The following KDM2B variants were observed in gnomAD, a reference collection of about 807,000 sequenced individuals.
KDM2B encodes lysine-specific demethylase 2B.
KDM2B carries 26 observed loss-of-function variants against 150.0 expected under a neutral mutation model. The ratio of observed to expected loss-of-function variants is 0.17; its 90% CI spans 0.13 to 0.24. The LOEUF is 0.24. Ranked by LOEUF, KDM2B falls within the 10% of genes least tolerant of loss-of-function variation. The pLI is 1.00. For missense variants in KDM2B, 1,265 were observed against 1,816.9 expected (o/e 0.70, Z 5.52); for synonymous variants, 734 against 729.5 (o/e 1.01, Z -0.10).
At chr12:121,541,948 A>G (rs1403205593) in intron 6 of KDM2B, among the ~76,000 whole-genome samples, 28 of 152,216 alleles carry the variant, frequency 1.8e-4, no homozygotes, top group Admixed American at 1.8e-3. Flanking sequence ...GCAACTGTGG[A>G]GGCTTTGAAA....
chr12:121,434,397 G>A (rs936256022), intron 22 of KDM2B, among the ~76,000 whole-genome samples: 23 of 151,614 alleles, frequency 1.5e-4, no homozygotes, highest in Middle Eastern at 3.4e-3. Flanking sequence ...ACAGGAGGCT[G>A]AGGCAGGAGA....
At chr12:121,504,475 C>T (rs1255245530) in intron 11 of KDM2B, among the ~76,000 whole-genome samples, 1 of 151,964 alleles carries the variant, frequency 6.6e-6, no homozygotes, top group Non-Finnish European at 1.5e-5. Context: ...GTTGAGGCTG[C>T]AGTGAGCTAT....
chr12:121,546,564 T>C (rs1438978003), intron 6 of KDM2B, among the ~76,000 whole-genome samples: 1 of 149,658 alleles, frequency 6.7e-6, no homozygotes, highest in Non-Finnish European at 1.5e-5. Context: ...TTTTTGGTTT[T>C]TTTTTTTTGT....
rs1555308062 is a variant in KDM2B at position 121,532,787 on chromosome 12, A to G, written c.931+19T>C. 5 of 1,612,758 alleles carry G rather than the reference A, an allele frequency of 3.1e-6. No homozygotes were observed. Among genetic ancestry groups the G allele is most frequent in the East Asian group, 2.2e-5 (1 of 44,874 alleles). On this transcript the variant is annotated intron_variant, in intron 8 of 22. Transcript: ENST00000377071. ...CGCAGGAGACTCGAGGAGCCCAGAGAGTGCCCCTGGAAACCTACCGGAAGG... is the reference window on the plus strand; with the variant it reads ...CGCAGGAGACTCGAGGAGCCCAGAGGGTGCCCCTGGAAACCTACCGGAAGG...
intron 1 of KDM2B, chr12:121,580,321 C>T: frequency 8.6e-7 from 1 of 1,165,834 alleles, no homozygotes; most frequent in Non-Finnish European, 1.0e-6. Flanking sequence ...GCTCGGAGCC[C>T]GCGGCCGGGC....
At chr12:121,475,321 G>C (rs1881246106) in intron 12 of KDM2B, among the ~76,000 whole-genome samples, 1 of 151,872 alleles carries the variant, frequency 6.6e-6, no homozygotes, top group South Asian at 2.1e-4. Context: ...AGGTGTGGAA[G>C]CTCATACCCG....
chr12:121,497,672 A>T (rs1884120304), intron 11 of KDM2B, among the ~76,000 whole-genome samples: 1 of 152,156 alleles, frequency 6.6e-6, no homozygotes, highest in Non-Finnish European at 1.5e-5. Context: ...GCCTGAACAG[A>T]TCTCCTCAAA....
intron 14 of KDM2B, 86 bp from the exon 15 acceptor site, chr12:121,444,622 A>G: frequency 9.2e-7 from 1 of 1,084,352 alleles, no homozygotes; most frequent in Non-Finnish European, 1.4e-6. Context: ...CGTCTTCCAG[A>G]AGCAGCAGCA....
chr12:121,577,900 C>A (rs1349813245), intron 2 of KDM2B, among the ~76,000 whole-genome samples: 2 of 152,092 alleles, frequency 1.3e-5, no homozygotes, highest in Non-Finnish European at 2.9e-5. Flanking sequence ...CAGGGCGTCA[C>A]CTTAACATCT....
At chr12:121,448,038 G>C (rs1555290731) in intron 13 of KDM2B, among the ~76,000 whole-genome samples, 1 of 151,970 alleles carries the variant, frequency 6.6e-6, no homozygotes, top group Non-Finnish European at 1.5e-5. Context: ...AAATTTCTTG[G>C]CCAGGAGTGA....
At chr12:121,530,717 A>T (rs961331549) in intron 8 of KDM2B, among the ~76,000 whole-genome samples, 1 of 152,134 alleles carries the variant, frequency 6.6e-6, no homozygotes, top group Non-Finnish European at 1.5e-5. Flanking sequence ...TCCTGCCTTC[A>T]ATAGACAGCC....
At chr12:121,579,532 G>T (rs367955375) in intron 1 of KDM2B, 7 of 1,235,402 alleles carry the variant, frequency 5.7e-6, no homozygotes, top group East Asian at 1.1e-4. Context: ...AGAGGAGGTG[G>T]GGGGAGGAGA....
chr12:121,466,202 T>C (rs1593846217), intron 12 of KDM2B, among the ~76,000 whole-genome samples: 5 of 152,202 alleles, frequency 3.3e-5, no homozygotes, highest in Admixed American at 3.3e-4. Context: ...ACCAGGATTA[T>C]AAATAAGCGT....
chr12:121,494,751 G>A (rs1040518832), intron 11 of KDM2B, 86 bp from the exon 12 acceptor site: 4 of 996,444 alleles, frequency 4.0e-6, no homozygotes, highest in Non-Finnish European at 4.4e-6. Context: ...GTCCAGCAAG[G>A]ATCACACTCC....
intron 4 of KDM2B, among the ~76,000 whole-genome samples, chr12:121,572,398 T>C (rs782023213): frequency 1.1e-4 from 16 of 152,266 alleles, no homozygotes; most frequent in Non-Finnish European, 1.6e-4. Flanking sequence ...CTTCTGCCAC[T>C]TTCTCACTCA....
intron 4 of KDM2B, among the ~76,000 whole-genome samples, chr12:121,568,866 TAAAAA>T (rs56132369): frequency 6.4e-5 from 9 of 139,918 alleles, no homozygotes; most frequent in Non-Finnish European, 6.1e-5. Flanking sequence ...GCTTTTTTGT[TAAAAA>T]AAAAAAAAAA....
chr12:121,513,461 G>C lies in KDM2B; in HGVS notation c.1048-59C>G. On this transcript the variant is annotated intron_variant, in intron 9 of 22. Coordinates refer to ENST00000377071, the MANE Select transcript of KDM2B (RefSeq NM_032590.5). The surrounding 1 kb of genome is among the most constrained non-coding windows in gnomAD (Gnocchi z 5.0). Reference sequence around the variant, plus strand: ...TTTCCAGAGGGCGAAGGGGGAAGGAGGGAGAGAAGTGCGGGGCAGGCTCCC... The same window carrying C: ...TTTCCAGAGGGCGAAGGGGGAAGGACGGAGAGAAGTGCGGGGCAGGCTCCC... 1.3e-6 allele frequency: 2 copies of C among 1,588,414 alleles called. No individual in the cohort carries two copies. The highest frequency in any genetic ancestry group is 1.1e-5 in the South Asian group (1 of 90,048).
intron 8 of KDM2B, among the ~76,000 whole-genome samples, chr12:121,530,848 A>G (rs782046988): frequency 6.6e-6 from 1 of 152,124 alleles, no homozygotes; most frequent in Non-Finnish European, 1.5e-5. Context: ...CCAGCTCTGC[A>G]TAAGGCCTGG....
downstream of KDM2B, among the ~76,000 whole-genome samples, chr12:121,426,444 T>C (rs797036544): frequency 0.023 from 2,574 of 113,684 alleles, 54 homozygotes; most frequent in African/African-American, 0.061. Flanking sequence ...TTCTACCCCC[T>C]CCCCCCCCTT....
Sources: allele counts gnomAD v4.1 joint callset (sites outside exome capture counted in the v4.1 genomes callset), GRCh38; gene constraint gnomAD v4.1.1; non-coding constraint Gnocchi (gnomAD v3.1); transcripts MANE v1.5; gene names NCBI Gene and HGNC (gene_info 2026-07-23, HGNC 2026-07-21).